TMCO1: variants seen among roughly 807,000 people sequenced by gnomAD.
TMCO1 encodes the protein transmembrane and coiled-coil domains 1.
Under a neutral mutation model 29.3 loss-of-function variants are expected in TMCO1, and 29 were observed. The ratio of observed to expected loss-of-function variants is 0.99; its 90% CI spans 0.74 to 1.35. TMCO1 has a LOEUF of 1.35. TMCO1 is among the 40% of genes most tolerant of loss of function. The pLI, the probability that TMCO1 is intolerant of heterozygous loss-of-function variation, is 0.00. For missense variants in TMCO1, 173 were observed against 225.5 expected, an observed-to-expected ratio of 0.77 and a Z score of 1.49; for synonymous variants, 80 against 77.1, an observed-to-expected ratio of 1.04 and a Z score of -0.20.
chr1:165,725,830 T>C, downstream of TMCO1: 1 of 477,568 alleles, frequency 2.1e-6, no homozygotes, highest in Non-Finnish European at 4.1e-6. Context: ...TTATTGTGCT[T>C]TTAAGAATAG....
intron 5 of TMCO1, among the ~76,000 whole-genome samples, chr1:165,744,695 C>T (rs1651723320): frequency 6.8e-6 from 1 of 147,914 alleles, no homozygotes; most frequent in Admixed American, 7.0e-5. Flanking sequence ...GAGGCTGAGG[C>T]AGGAGAATCA....
chr1:165,758,235 T>C (rs148164116), intron 3 of TMCO1, among the ~76,000 whole-genome samples: 1 of 152,244 alleles, frequency 6.6e-6, no homozygotes, highest in East Asian at 1.9e-4. Flanking sequence ...AGAACTTTAC[T>C]TCTTCTGTTG....
At chr1:165,742,832 C>T (rs139830894) in intron 6 of TMCO1, among the ~76,000 whole-genome samples, 4 of 152,272 alleles carry the variant, frequency 2.6e-5, no homozygotes, top group African/African-American at 9.6e-5. Context: ...CTAAATGGTG[C>T]TGGTATATAA....
At chr1:165,737,013 T>G (rs186067300) in intron 6 of TMCO1, among the ~76,000 whole-genome samples, 3 of 152,296 alleles carry the variant, frequency 2.0e-5, no homozygotes, top group African/African-American at 7.2e-5. Flanking sequence ...TGCTCTGTTA[T>G]CCAGGCTGGT....
At chr1:165,759,676 T>C (rs1652328140) in intron 2 of TMCO1, 92 bp from the exon 3 acceptor site, 2 of 1,151,212 alleles carry the variant, frequency 1.7e-6, no homozygotes, top group African/African-American at 1.5e-5. Context: ...TGAAAGAAGC[T>C]TGCAAGAAAG....
downstream of TMCO1, chr1:165,725,155 T>A: frequency 2.3e-6 from 1 of 435,966 alleles, no homozygotes; most frequent in Non-Finnish European, 4.5e-6. Flanking sequence ...AGAATTAATC[T>A]AAAAAAAGAG....
intron 6 of TMCO1, among the ~76,000 whole-genome samples, chr1:165,740,122 C>T (rs996542120): frequency 6.6e-6 from 1 of 151,776 alleles, no homozygotes; most frequent in African/African-American, 2.4e-5. Flanking sequence ...AAAATAATAA[C>T]AACAACAACA....
At position 165,768,736 on chromosome 1, in the gene TMCO1, C is replaced by T. The variant is rs548152171; in HGVS notation, c.16G>A (p.Ala6Thr). The T allele has an allele frequency of 8.7e-6, 14 of 1,614,022 alleles. No homozygotes were observed. The highest frequency in any genetic ancestry group is 1.2e-5 in the Non-Finnish European group (14 of 1,180,034). Residue 6 changes from alanine to threonine, a missense_variant, in exon 1 of 7, where the codon GCG (alanine) becomes ACG (threonine). Ala to Thr is a moderately conservative substitution (Grantham distance 58). Coordinates refer to ENST00000367881, the MANE Select transcript of TMCO1 (RefSeq NM_019026.6). ...ATAAAAACGATGAGGAGAGTGTCCG[C>T]GAACATAGTGCTCATCTCGCACCTT... MSTMFADTLLIVFISV... is the reference protein window; with the variant it reads MSTMFTDTLLIVFISV...
Position 165,754,252 on chromosome 1 carries a change from C to G in TMCO1, c.231G>C (p.Lys77Asn), listed in dbSNP as rs1390115490. The change falls in exon 4 of 7, where the codon AAG (lysine) becomes AAC (asparagine). Residue 77 changes from lysine (K) to asparagine (N), a missense_variant. Lys to Asn is a moderately conservative substitution (Grantham distance 94). Transcript: ENST00000367881. ...KKIERQEEKL[K>N]NNNRDLSMVR... ...CCATTGATAGATCTCTGTTGTTATTCTTCAGTTTCTCTTCTTGTCTCTCTG... is the reference window on the plus strand; with the variant it reads ...CCATTGATAGATCTCTGTTGTTATTGTTCAGTTTCTCTTCTTGTCTCTCTG... The G allele has an allele frequency of 6.2e-7, 1 of 1,611,204 alleles. No individual in the cohort carries two copies. The highest frequency in any genetic ancestry group is 8.5e-7 in the Non-Finnish European group (1 of 1,177,766).
At chr1:165,739,116 C>G (rs1651493196) in intron 6 of TMCO1, among the ~76,000 whole-genome samples, 1 of 152,096 alleles carries the variant, frequency 6.6e-6, no homozygotes, top group African/African-American at 2.4e-5. Context: ...TTGCTGCCCA[C>G]CTCCCCCTCT....
intron 5 of TMCO1, among the ~76,000 whole-genome samples, chr1:165,744,790 CAAAAA>C (rs558392976): frequency 2.9e-5 from 3 of 104,010 alleles, no homozygotes; most frequent in Non-Finnish European, 1.9e-5. Flanking sequence ...AACTCCATCT[CAAAAA>C]AAAAAAAAAA....
At chr1:165,745,361 C>T (rs915162978) in intron 5 of TMCO1, among the ~76,000 whole-genome samples, 1 of 147,282 alleles carries the variant, frequency 6.8e-6, no homozygotes, top group African/African-American at 2.5e-5. Flanking sequence ...CTTGGCCAGG[C>T]GTGGTGGCTC....
downstream of TMCO1, chr1:165,726,599 C>G: frequency 2.2e-6 from 1 of 458,540 alleles, no homozygotes; most frequent in Non-Finnish European, 4.3e-6. Flanking sequence ...AAGGTAAGAA[C>G]AGTAATTACC....
At chr1:165,740,258 G>A (rs1651543729) in intron 6 of TMCO1, among the ~76,000 whole-genome samples, 1 of 151,938 alleles carries the variant, frequency 6.6e-6, no homozygotes. Flanking sequence ...CTGGAGTGCA[G>A]TGGCGTGATC....
chr1:165,724,340 G>A (rs1185630644), downstream of TMCO1: 6 of 453,202 alleles, frequency 1.3e-5, no homozygotes, highest in African/African-American at 1.2e-4. Context: ...ATCAAAAGCT[G>A]CTCGCATTAC....
chr1:165,726,194 G>C (rs55703820), downstream of TMCO1: 1 of 698,476 alleles, frequency 1.4e-6, no homozygotes, highest in Admixed American at 2.0e-5. Flanking sequence ...TGCTTAGAGT[G>C]GTCAATGATA....
At chr1:165,754,349 T>C (rs1296679998) in intron 3 of TMCO1, 75 bp from the exon 4 acceptor site, 14 of 1,202,858 alleles carry the variant, frequency 1.2e-5, no homozygotes, top group South Asian at 3.7e-5. Flanking sequence ...CTGTCACTGA[T>C]TGGTGATTAC....
chr1:165,748,569 A>C (rs1385018039), intron 5 of TMCO1, among the ~76,000 whole-genome samples: 1 of 152,160 alleles, frequency 6.6e-6, no homozygotes, highest in Non-Finnish European at 1.5e-5. Context: ...AGTAATGTCT[A>C]ATGAAAAGAA....
intron 3 of TMCO1, 116 bp from the exon 4 acceptor site, chr1:165,754,390 AG>A: frequency 1.2e-6 from 1 of 810,994 alleles, no homozygotes; most frequent in Non-Finnish European, 2.1e-6. Flanking sequence ...TCATTTAATA[AG>A]ATGATGAAAA....
Sources: allele counts gnomAD v4.1 joint callset (sites outside exome capture counted in the v4.1 genomes callset), GRCh38; gene constraint gnomAD v4.1.1; transcripts MANE v1.5; gene names NCBI Gene and HGNC (gene_info 2026-07-23, HGNC 2026-07-21).